The following BCO2 variants were observed in gnomAD, a reference collection of about 807,000 sequenced individuals.
BCO2 encodes beta-carotene oxygenase 2, also known as carotenoid-cleaving dioxygenase, mitochondrial.
A neutral mutation model predicts 65.8 loss-of-function variants in BCO2; 56 were observed. That is an observed-to-expected ratio of 0.85 (90% CI 0.69 to 1.06). The LOEUF (loss-of-function observed/expected upper bound fraction) is 1.06. BCO2 is among the 50% of genes least tolerant of loss of function. The probability of loss-of-function intolerance (pLI) is 0.00; values close to 1 mark genes in which losing one functional copy is unlikely to be tolerated. For synonymous variants in BCO2, 233 were observed against 242.3 expected (o/e 0.96, Z 0.36); for missense variants, 675 against 698.5 (o/e 0.97, Z 0.38).
chr11:112,195,196 C>T (rs888445888), intron 5 of BCO2, among the ~76,000 whole-genome samples: 2 of 2,746 alleles, frequency 7.3e-4, no homozygotes, highest in Non-Finnish European at 1.1e-3. Context: ...AGTGCAGTGG[C>T]GCAATCTCGC....
chr11:112,182,845 A>ATG, intron 2 of BCO2: 2 of 848,224 alleles, frequency 2.4e-6, no homozygotes, highest in Non-Finnish European at 3.8e-6. Flanking sequence ...TAGAACTTAT[A>ATG]TATATATAAA....
chr11:112,189,442 G>C (rs1867305700), intron 2 of BCO2, among the ~76,000 whole-genome samples: 1 of 139,274 alleles, frequency 7.2e-6, no homozygotes, highest in Non-Finnish European at 1.5e-5. Context: ...GTCTCACTCT[G>C]TCGCCCAGGT....
chr11:112,211,658 T>C (rs1002947566), intron 8 of BCO2, among the ~76,000 whole-genome samples: 9 of 152,206 alleles, frequency 5.9e-5, no homozygotes, highest in African/African-American at 1.9e-4. Flanking sequence ...ATAATAACCA[T>C]CCTAATGGGT....
In BCO2 at chr11:112,216,328, C is replaced by T. The variant is rs1358683968; in HGVS notation, c.1624C>T (p.Gln542Ter). 2 of 1,609,944 alleles carry T rather than the reference C, an allele frequency of 1.2e-6. No individual in the cohort carries two copies. The highest frequency in any genetic ancestry group is 8.5e-7 in the Non-Finnish European group (1 of 1,176,328). The change falls in exon 11 of 12, where the codon CAG (glutamine) becomes TAG (stop). Residue 542 changes from glutamine (Q) to a stop codon, truncating the protein, a stop_gained and splice_region_variant. Coordinates refer to ENST00000357685, the MANE Select transcript of BCO2 (RefSeq NM_031938.7). LOFTEE classifies it high-confidence loss of function. The stretch of plus-strand genomic sequence containing the variant: ...TCTTTCTGTGGTGATCACTCCCAAC[C>T]AGGTAAATATATTTCCCTATCACCA... ...VILSVVITPN[Q>*]NESNFILVLD...
rs1228819972 is a variant in BCO2, at chr11:112,179,369, A to T, written c.180A>T (p.Thr60=). Reference sequence around the variant, plus strand: ...CATGTGTTGCACCGCTGCTGACCACAGTGGAAGAGGCTCCACGGGGCATCT... The same window carrying T: ...CATGTGTTGCACCGCTGCTGACCACTGTGGAAGAGGCTCCACGGGGCATCT... The part of the protein sequence containing the change: ...GLPCVAPLLT[T]VEEAPRGISA... Residue 60 remains threonine (T), a synonymous_variant, in exon 2 of 12, where the codon ACA becomes ACT. Coordinates refer to ENST00000357685, the MANE Select transcript of BCO2 (RefSeq NM_031938.7). 3 of 1,614,092 alleles carry T rather than the reference A, an allele frequency of 1.9e-6. No individual in the cohort carries two copies. Among genetic ancestry groups the T allele is most frequent in the Non-Finnish European group, 2.5e-6 (3 of 1,180,040 alleles).
intron 7 of BCO2, 105 bp downstream of exon 7, chr11:112,200,878 C>A: frequency 8.1e-7 from 1 of 1,232,998 alleles, no homozygotes; most frequent in Non-Finnish European, 1.2e-6. Context: ...GTGCATAAGA[C>A]ACTTTTAATC....
chr11:112,218,210 T>A lies in BCO2; in HGVS notation c.*336T>A. ...CCAAACCAATGTCCCAAATAGACAT[T>A]TAGTTTAAAAATTTCTGTTAAAAAC... On this transcript the variant is annotated 3_prime_UTR_variant, in exon 12 of 12. Transcript: ENST00000357685. 5.6e-6 allele frequency: 1 copy of A among 177,572 alleles called. No individual in the cohort carries two copies. Among genetic ancestry groups the A allele is most frequent in the Non-Finnish European group, 1.2e-5 (1 of 84,336 alleles). 11.0% of individuals were successfully genotyped at this position (177,572 alleles called of 1,614,324 possible). A position where few individuals can be genotyped will look rare whatever the true frequency, so the allele number is the denominator to read the frequency against.
intron 2 of BCO2, among the ~76,000 whole-genome samples, chr11:112,187,132 A>G (rs1349144780): frequency 6.6e-6 from 1 of 152,156 alleles, no homozygotes; most frequent in Non-Finnish European, 1.5e-5. Flanking sequence ...CTACATTCCC[A>G]TTAAACTTAT....
At chr11:112,196,015 A>G (rs1867563431) in intron 5 of BCO2, among the ~76,000 whole-genome samples, 1 of 152,180 alleles carries the variant, frequency 6.6e-6, no homozygotes. Flanking sequence ...CTCCTTATAC[A>G]AACTCCTGGA....
chr11:112,177,909 C>CTTT (rs11460820), intron 1 of BCO2, among the ~76,000 whole-genome samples: 12 of 135,354 alleles, frequency 8.9e-5, no homozygotes, highest in Admixed American at 1.5e-4. Flanking sequence ...ATGGAATTTG[C>CTTT]TTTTTTTTTT....
At chr11:112,187,795 C>T (rs1867245535) in intron 2 of BCO2, among the ~76,000 whole-genome samples, 1 of 151,638 alleles carries the variant, frequency 6.6e-6, no homozygotes. Context: ...CTGTAGAGCC[C>T]AGGATTTAGC....
chr11:112,214,511 G>A (rs749802383), intron 9 of BCO2, among the ~76,000 whole-genome samples: 1 of 152,198 alleles, frequency 6.6e-6, no homozygotes, highest in African/African-American at 2.4e-5. Flanking sequence ...AGCTGTCAAT[G>A]CCTTAGCTTT....
intron 8 of BCO2, among the ~76,000 whole-genome samples, chr11:112,212,192 G>A (rs1233950431): frequency 6.6e-6 from 1 of 152,196 alleles, no homozygotes; most frequent in African/African-American, 2.4e-5. Context: ...CAGTATTTCA[G>A]AGAGGAAAAT....
chr11:112,216,443 C>T (rs1859681217), intron 11 of BCO2, 113 bp downstream of exon 11: 2 of 700,974 alleles, frequency 2.9e-6, no homozygotes. Context: ...TTTCCCTTCT[C>T]TTCCCCTCCT....
At chr11:112,199,855 G>A (rs780066515) in intron 6 of BCO2, 28 bp downstream of exon 6, 2 of 1,611,786 alleles carry the variant, frequency 1.2e-6, no homozygotes, top group Admixed American at 1.7e-5. Flanking sequence ...GCAAATTTCA[G>A]TGGGCTCTGC....
chr11:112,180,127 C>T (rs1194132184), intron 2 of BCO2, among the ~76,000 whole-genome samples: 1 of 152,188 alleles, frequency 6.6e-6, no homozygotes, highest in Non-Finnish European at 1.5e-5. Flanking sequence ...CATATATCCT[C>T]CCATTATCTT....
In BCO2 at chr11:112,175,532, A is replaced by T; in HGVS notation, c.-70A>T. 8.9e-7 allele frequency: 1 copy of T among 1,126,020 alleles called. No individual in the cohort carries two copies. Among genetic ancestry groups the T allele is most frequent in the Non-Finnish European group, 1.3e-6 (1 of 741,178 alleles). The allele number at this position is 1,126,020 out of a possible 1,614,324, so 69.8% of individuals were successfully genotyped here. A position where few individuals can be genotyped will look rare whatever the true frequency, so the allele number is the denominator to read the frequency against. ...AGTCCAGGCAGTTCTGTGCGTGTTC[A>T]CTGTTTAGTAGTACTCAAAACTGCC... On this transcript the variant is annotated 5_prime_UTR_variant, in exon 1 of 12. Coordinates refer to ENST00000357685, the MANE Select transcript of BCO2 (RefSeq NM_031938.7).
Position 112,217,897 on chromosome 11 carries a change from A to G in BCO2, c.*23A>G, listed in dbSNP as rs1859733017. 1 of 1,512,182 alleles carries G rather than the reference A, an allele frequency of 6.6e-7. No individual in the cohort carries two copies. The highest frequency in any genetic ancestry group is 9.1e-7 in the Non-Finnish European group (1 of 1,098,054). The allele number at this position is 1,512,182 out of a possible 1,614,324, so 93.7% of individuals were successfully genotyped here. ...TGATGGGACAACCACAAGGTCTGGA[A>G]ACTAGGTTTAAAATAAGTGTGCACT... On this transcript the variant is annotated 3_prime_UTR_variant, in exon 12 of 12. Transcript: ENST00000357685.
In BCO2 at chr11:112,218,147, T is replaced by C. The variant is rs974977389; in HGVS notation, c.*273T>C. On this transcript the variant is annotated 3_prime_UTR_variant, in exon 12 of 12. Coordinates refer to ENST00000357685, the MANE Select transcript of BCO2 (RefSeq NM_031938.7). Reference sequence around the variant, plus strand: ...ATAAAAAGAAAAACAAAGAATGTACTCTATACAAAAGACAGAGCATAAAGG... The same window carrying C: ...ATAAAAAGAAAAACAAAGAATGTACCCTATACAAAAGACAGAGCATAAAGG... 3.5e-6 allele frequency: 1 copy of C among 283,228 alleles called. No homozygotes were observed. Among genetic ancestry groups the C allele is most frequent in the African/African-American group, 2.2e-5 (1 of 45,790 alleles). 17.5% of individuals were successfully genotyped at this position (283,228 alleles called of 1,614,324 possible). A position where few individuals can be genotyped will look rare whatever the true frequency, so the allele number is the denominator to read the frequency against.
Sources: allele counts gnomAD v4.1 joint callset (sites outside exome capture counted in the v4.1 genomes callset), GRCh38; gene constraint gnomAD v4.1.1; transcripts MANE v1.5; gene names NCBI Gene and HGNC (gene_info 2026-07-23, HGNC 2026-07-21).